SLC28A1: variants seen among roughly 807,000 people sequenced by gnomAD.
SLC28A1 encodes the protein sodium/nucleoside cotransporter 1.
SLC28A1 carries 64 observed loss-of-function variants against 74.8 expected under a neutral mutation model. That is an observed-to-expected ratio of 0.86 (90% CI 0.70 to 1.05). The LOEUF (loss-of-function observed/expected upper bound fraction) is 1.05. SLC28A1 is among the 50% of genes least tolerant of loss of function. The pLI is 0.00. For missense variants in SLC28A1, 828 were observed against 822.8 expected, an observed-to-expected ratio of 1.01 and a Z score of -0.08; for synonymous variants, 359 against 335.0, an observed-to-expected ratio of 1.07 and a Z score of -0.78.
chr15:84,950,899 T>C, the SLC28A1 span, among the ~76,000 whole-genome samples: 19 of 152,128 alleles, frequency 1.2e-4, no homozygotes, highest in Admixed American at 1.2e-3. Flanking sequence ...GTGTTACGAC[T>C]ACTCAACTCT....
Position 84,888,754 on chromosome 15 carries a change from G to C in SLC28A1, c.97-18G>C. On this transcript the variant is annotated intron_variant, in intron 3 of 18. Transcript: ENST00000394573. ...GGGTAAGGGGCAGGCCGACCTGACG[G>C]CTCCCTGCGGGCTGTAGGAGGAAGG... The C allele has an allele frequency of 6.5e-7, 1 of 1,541,514 alleles. No homozygotes were observed. The highest frequency in any genetic ancestry group is 8.8e-7 in the Non-Finnish European group (1 of 1,138,212).
intron 9 of SLC28A1, among the ~76,000 whole-genome samples, chr15:84,917,702 C>A (rs8024331): frequency 0.32 from 48,973 of 151,872 alleles, 8,878 homozygotes; most frequent in Middle Eastern, 0.48. Flanking sequence ...CTTCTGCATT[C>A]TTGTTTCCTG....
chr15:84,922,529 C>T lies in SLC28A1; in HGVS notation c.958-1456C>T, dbSNP rs368534533. On this transcript the variant is annotated intron_variant, in intron 11 of 18. Coordinates refer to ENST00000394573, the MANE Select transcript of SLC28A1 (RefSeq NM_004213.5). ...GTGGCCCATCTACAACCCCCCGCTGCCCGGGCCACCTGCCTCTCACCTGGA... is the reference window on the plus strand; with the variant it reads ...GTGGCCCATCTACAACCCCCCGCTGTCCGGGCCACCTGCCTCTCACCTGGA... Among the ~76,000 whole-genome samples, 43 of 152,272 alleles carry T rather than the reference C, an allele frequency of 2.8e-4. No individual in the cohort carries two copies. In the South Asian group the frequency reaches 7.7e-3, roughly 27 times the overall value.
intron 4 of SLC28A1, 26 bp downstream of exon 4, chr15:84,888,886 G>A (rs8187746): frequency 0.019 from 29,136 of 1,517,066 alleles, 351 homozygotes; most frequent in Middle Eastern, 0.03. Flanking sequence ...AGAGACAAGG[G>A]CGGGCCTGGG....
intron 10 of SLC28A1, among the ~76,000 whole-genome samples, chr15:84,919,205 C>G (rs1969509709): frequency 6.6e-6 from 1 of 152,292 alleles, no homozygotes; most frequent in Admixed American, 6.5e-5. Flanking sequence ...CCAGACTTAG[C>G]TGGTATAAAT....
Position 84,933,265 on chromosome 15 carries a change from C to T in SLC28A1, c.1204C>T (p.Leu402=). 6.2e-7 allele frequency: 1 copy of T among 1,613,244 alleles called. No homozygotes were observed. The highest frequency in any genetic ancestry group is 2.2e-5 in the East Asian group (1 of 44,832). Residue 402 remains leucine, a synonymous_variant, in exon 13 of 19, where the codon CTG becomes TTG. Coordinates refer to ENST00000394573, the MANE Select transcript of SLC28A1 (RefSeq NM_004213.5). ...SKFRREEGVK[L]TYGDAQNLIE... ...GTTTAGGAGGGAGGAAGGAGTGAAA[C>T]TGACCTATGGGTGAGCACAGCAGGA...
In SLC28A1 at chr15:84,895,059, G is replaced by A; in HGVS notation, c.397G>A (p.Gly133Arg). The A allele has an allele frequency of 6.2e-7, 1 of 1,607,566 alleles. No homozygotes were observed. Among genetic ancestry groups the A allele is most frequent in the Non-Finnish European group, 8.5e-7 (1 of 1,177,306 alleles). ...LGHRLLKRLLGPKLRRFLKPQ... is the reference protein window; with the variant it reads ...LGHRLLKRLLRPKLRRFLKPQ... ...CCACCGCCTGCTGAAACGGCTTCTG[G>A]GGCCAAAGCTGAGGAGGTTTCTCAA... Residue 133 changes from glycine to arginine, a missense_variant, in exon 6 of 19, where the codon GGG (glycine) becomes AGG (arginine). By Grantham distance (125) the Gly-to-Arg change is moderately radical. This residue lies in a region of SLC28A1 where 767 missense variants were observed against 753.5 expected (regional missense o/e 1.02). Transcript: ENST00000394573.
chr15:84,969,271 G>A, the SLC28A1 span, among the ~76,000 whole-genome samples: 5 of 152,178 alleles, frequency 3.3e-5, no homozygotes, highest in African/African-American at 1.2e-4. Context: ...CGGGCCAGGA[G>A]AGCACCGAAT....
At chr15:84,895,294 G>T (rs1965863708) in intron 6 of SLC28A1, 171 bp downstream of exon 6, 1 of 1,597,684 alleles carries the variant, frequency 6.3e-7, no homozygotes, top group Admixed American at 1.7e-5. Context: ...CAGCATCTTT[G>T]TGGTGTTTCA....
intron 13 of SLC28A1, among the ~76,000 whole-genome samples, chr15:84,934,487 G>T (rs1421816985): frequency 6.6e-6 from 1 of 152,176 alleles, no homozygotes; most frequent in African/African-American, 2.4e-5. Flanking sequence ...ATGTTGAAAA[G>T]GCACCACATT....
intron 9 of SLC28A1, among the ~76,000 whole-genome samples, chr15:84,915,195 C>T (rs767465827): frequency 2.6e-5 from 4 of 152,166 alleles, no homozygotes; most frequent in South Asian, 2.1e-4. Flanking sequence ...GGAGGAGTCA[C>T]GGGGCACAGT....
At chr15:84,970,501 C>A in the SLC28A1 span, among the ~76,000 whole-genome samples, 7 of 152,158 alleles carry the variant, frequency 4.6e-5, no homozygotes, top group African/African-American at 1.7e-4. Context: ...GTTGGTTGGA[C>A]AGAAAACGAA....
intron 5 of SLC28A1, among the ~76,000 whole-genome samples, chr15:84,892,801 C>T (rs558549013): frequency 9.9e-5 from 15 of 152,216 alleles, no homozygotes; most frequent in African/African-American, 2.6e-4. Context: ...ATGGGTGCAG[C>T]GACAGCGCTG....
chr15:84,902,178 A>G (rs1214333552), intron 6 of SLC28A1, among the ~76,000 whole-genome samples: 4 of 152,154 alleles, frequency 2.6e-5, no homozygotes, highest in Non-Finnish European at 5.9e-5. Context: ...TTTATATAAA[A>G]TTCTTAAAAA....
intron 12 of SLC28A1, 31 bp downstream of exon 12, chr15:84,924,141 G>A: frequency 6.2e-7 from 1 of 1,606,776 alleles, no homozygotes; most frequent in Non-Finnish European, 8.5e-7. Flanking sequence ...GCTTGGCTAT[G>A]TTGAGGACCT....
At chr15:84,908,303 C>T (rs1038961696) in intron 8 of SLC28A1, among the ~76,000 whole-genome samples, 2 of 151,014 alleles carry the variant, frequency 1.3e-5, no homozygotes, top group Admixed American at 1.3e-4. Context: ...CCTGCCTCAG[C>T]CTCCCAAGTA....
Position 84,911,732 on chromosome 15 carries a change from G to A in SLC28A1, c.795+2937G>A, listed in dbSNP as rs1046126635. Among the ~76,000 whole-genome samples, 7 of 151,740 alleles carry A rather than the reference G, an allele frequency of 4.6e-5. No homozygotes were observed. The East Asian group carries it at 5.8e-4, about 13-fold the overall frequency. Reference sequence around the variant, plus strand: ...AAATTAGCCAGGCATGGTGGCGGGCGCTTGTAATTCCAGCTACCCAGGAGG... The same window carrying A: ...AAATTAGCCAGGCATGGTGGCGGGCACTTGTAATTCCAGCTACCCAGGAGG... On this transcript the variant is annotated intron_variant, in intron 9 of 18. Transcript: ENST00000394573.
chr15:84,941,821 G>A (rs200404165), intron 15 of SLC28A1, among the ~76,000 whole-genome samples: 191 of 141,636 alleles, frequency 1.3e-3, no homozygotes, highest in Non-Finnish European at 2.4e-3. Context: ...TTCAAAAAAA[G>A]GAAAGAAAGA....
chr15:84,931,464 G>A (rs904814646), intron 12 of SLC28A1, among the ~76,000 whole-genome samples: 1 of 145,778 alleles, frequency 6.9e-6, no homozygotes, highest in Non-Finnish European at 1.5e-5. Context: ...GGCTAACACA[G>A]TGAAACCCCG....
Sources: allele counts gnomAD v4.1 joint callset (sites outside exome capture counted in the v4.1 genomes callset), GRCh38; gene constraint gnomAD v4.1.1; regional missense constraint gnomAD v4.1.1; transcripts MANE v1.5; gene names NCBI Gene and HGNC (gene_info 2026-07-23, HGNC 2026-07-21).